The following PXK variants were observed in gnomAD, a reference collection of about 807,000 sequenced individuals.
PXK encodes PX domain containing serine/threonine kinase like.
A neutral mutation model predicts 84.7 loss-of-function variants in PXK; 35 were observed. The ratio of observed to expected loss-of-function variants is 0.41; its 90% CI spans 0.32 to 0.55. The LOEUF is 0.55. Ranked by LOEUF, PXK falls within the 20% of genes least tolerant of loss-of-function variation. The pLI is 0.21. For missense variants in PXK, 634 were observed against 699.7 expected (o/e 0.91, Z 1.06); for synonymous variants, 253 against 260.8 (o/e 0.97, Z 0.29).
At chr3:58,424,238 A>AT (rs1219004503) in intron 17 of PXK, among the ~76,000 whole-genome samples, 2 of 152,234 alleles carry the variant, frequency 1.3e-5, no homozygotes, top group Non-Finnish European at 2.9e-5. Flanking sequence ...GTGGTCTGTC[A>AT]TTTTACATAA....
chr3:58,369,472 C>CT lies in PXK; in HGVS notation c.197dup (p.Leu66PhefsTer18). 1.9e-6 allele frequency: 3 copies of CT among 1,607,824 alleles called. No homozygotes were observed. The highest frequency in any genetic ancestry group is 2.6e-6 in the Non-Finnish European group (3 of 1,174,522). ...GTGACTTTGATTTGCTTAACAACAG[C>CT]TTACAGGTAAATGTTTTGAAATTCT... is the stretch of plus-strand genomic sequence containing the variant. On this transcript the variant is annotated frameshift_variant, in exon 3 of 18. Coordinates refer to ENST00000356151, the MANE Select transcript of PXK (RefSeq NM_017771.5). LOFTEE classifies it high-confidence loss of function.
chr3:58,400,727 G>A lies in PXK; in HGVS notation c.1181+1350G>A, dbSNP rs372804738. The stretch of plus-strand genomic sequence containing the variant: ...GGAGTTCAAGACCATCCTGGCCAAC[G>A]TGTGGTGAAACCCTGTCTCTACTAA... On this transcript the variant is annotated intron_variant, in intron 12 of 17. Transcript: ENST00000356151. The surrounding 1 kb of genome is among the most constrained non-coding windows in gnomAD (Gnocchi z 4.0). 7.4e-4 allele frequency among the ~76,000 whole-genome samples: 113 copies of A among 152,066 alleles called. 1 individual carries two copies. The highest frequency in any genetic ancestry group is 2.4e-3 in the African/African-American group (101 of 41,470).
chr3:58,412,890 T>A lies in PXK; in HGVS notation c.1466-11T>A. ...TGGTCCCCATGAGGGTTTCTCTGTG[T>A]TTTATCTTAGCAGGATCTGGGGCCA... On this transcript the variant is annotated splice_polypyrimidine_tract_variant and intron_variant, in intron 16 of 17. Transcript: ENST00000356151. The surrounding 1 kb of genome is among the most constrained non-coding windows in gnomAD (Gnocchi z 6.2). 1 of 1,614,088 alleles carries A rather than the reference T, an allele frequency of 6.2e-7. No individual in the cohort carries two copies. The highest frequency in any genetic ancestry group is 2.2e-5 in the East Asian group (1 of 44,882).
Position 58,379,402 on chromosome 3 carries a change from T to C in PXK, c.202-3112T>C, listed in dbSNP as rs1213964827. On this transcript the variant is annotated intron_variant, in intron 3 of 17. Transcript: ENST00000356151. This position sits in a 1 kb window ranked among gnomAD's most constrained non-coding sequence, Gnocchi z 5.1. ...ATATGTTTTGTAGGACTCTCTGCTT[T>C]TTCTAAATTTCACTACTCACATCCC... 1 of 153,662 alleles carries C rather than the reference T, an allele frequency of 6.5e-6. No individual in the cohort carries two copies. The highest frequency in any genetic ancestry group is 1.5e-5 in the Non-Finnish European group (1 of 68,054). The allele number at this position is 153,662 out of a possible 1,614,324, so 9.5% of individuals were successfully genotyped here.
intron 4 of PXK, among the ~76,000 whole-genome samples, chr3:58,387,325 C>T (rs1244771748): frequency 6.6e-6 from 1 of 152,214 alleles, no homozygotes; most frequent in Non-Finnish European, 1.5e-5. Flanking sequence ...GAGAGAGTTT[C>T]CACATCTGCT....
In PXK at chr3:58,381,030, C is replaced by T. The variant is rs370976052; in HGVS notation, c.202-1484C>T. Among the ~76,000 whole-genome samples the T allele has an allele frequency of 7.4e-4, 112 of 151,972 alleles. 1 individual carries two copies. Among genetic ancestry groups the T allele is most frequent in the African/African-American group, 2.2e-3 (93 of 41,446 alleles). ...TTGGGAGGCCGAGGTGGGTGGATCA[C>T]GAGGTCAGGAGATCGAGACCATCCT... is the stretch of plus-strand genomic sequence containing the variant. On this transcript the variant is annotated intron_variant, in intron 3 of 17. Coordinates refer to ENST00000356151, the MANE Select transcript of PXK (RefSeq NM_017771.5).
intron 1 of PXK, among the ~76,000 whole-genome samples, chr3:58,338,316 CAA>C (rs538241350): frequency 0.07 from 6,622 of 95,046 alleles, 525 homozygotes; most frequent in African/African-American, 0.22. Context: ...CTCTCCGTCT[CAA>C]AAAAAAAAAA....
chr3:58,369,493 A>T lies in PXK; in HGVS notation c.201+15A>T. On this transcript the variant is annotated intron_variant, in intron 3 of 17. Coordinates refer to ENST00000356151, the MANE Select transcript of PXK (RefSeq NM_017771.5). Reference sequence around the variant, plus strand: ...ACAGCTTACAGGTAAATGTTTTGAAATTCTAATTACACACATTGATTACTT... The same window carrying T: ...ACAGCTTACAGGTAAATGTTTTGAATTTCTAATTACACACATTGATTACTT... 1 of 1,598,414 alleles carries T rather than the reference A, an allele frequency of 6.3e-7. No individual in the cohort carries two copies.
intron 1 of PXK, among the ~76,000 whole-genome samples, chr3:58,356,304 T>G (rs996584149): frequency 1.3e-5 from 2 of 152,060 alleles, no homozygotes; most frequent in East Asian, 3.9e-4. Context: ...ATGGCAGGGT[T>G]TGGTGGCAGG....
At chr3:58,393,977 A>G (rs773911776) in intron 7 of PXK, among the ~76,000 whole-genome samples, 2 of 152,232 alleles carry the variant, frequency 1.3e-5, no homozygotes, top group African/African-American at 4.8e-5. Context: ...ATTAGATTGT[A>G]TGATGGTTGT....
rs2060184667 is a variant in PXK at position 58,411,427 on chromosome 3, C to A, written c.1465+1268C>A. Reference sequence around the variant, plus strand: ...TCCCAATGAGGACCAGCGCAGGCTCCTTGGGGGTGAATGCTGTTGTGGCTG... The same window carrying A: ...TCCCAATGAGGACCAGCGCAGGCTCATTGGGGGTGAATGCTGTTGTGGCTG... On this transcript the variant is annotated intron_variant, in intron 16 of 17. Transcript: ENST00000356151. The surrounding 1 kb of genome is among the most constrained non-coding windows in gnomAD (Gnocchi z 4.2). 6.6e-6 allele frequency among the ~76,000 whole-genome samples: 1 copy of A among 152,152 alleles called. No individual in the cohort carries two copies. Among genetic ancestry groups the A allele is most frequent in the South Asian group, 2.1e-4 (1 of 4,824 alleles).
At chr3:58,363,386 G>A (rs2098220820) in intron 1 of PXK, among the ~76,000 whole-genome samples, 1 of 152,116 alleles carries the variant, frequency 6.6e-6, no homozygotes, top group African/African-American at 2.4e-5. Flanking sequence ...GCTGGAGTGC[G>A]GGTGCCAACA....
chr3:58,386,341 G>A (rs973584115), intron 4 of PXK, among the ~76,000 whole-genome samples: 1 of 127,506 alleles, frequency 7.8e-6, no homozygotes, highest in African/African-American at 2.9e-5. Context: ...TGTTGGCCAG[G>A]CTGGAGTGCT....
chr3:58,346,986 G>C (rs1243899679), intron 1 of PXK, among the ~76,000 whole-genome samples: 3 of 152,072 alleles, frequency 2.0e-5, no homozygotes, highest in Non-Finnish European at 1.5e-5. Context: ...CTACAGGCGC[G>C]TGCCACCATG....
rs893181558 is a variant in PXK, at chr3:58,390,714, T to C, written c.466+55T>C. 1.1e-5 allele frequency: 17 copies of C among 1,501,698 alleles called. No homozygotes were observed. The highest frequency in any genetic ancestry group is 1.7e-4 in the Middle Eastern group (1 of 5,732). The allele number at this position is 1,501,698 out of a possible 1,614,324, so 93.0% of individuals were successfully genotyped here. A position where few individuals can be genotyped will look rare whatever the true frequency, so the allele number is the denominator to read the frequency against. ...AAAGACAGATCACAGAACTGGATCC[T>C]TAGTCATGCTTTCTGATACGTATCC... is the stretch of plus-strand genomic sequence containing the variant. On this transcript the variant is annotated intron_variant, in intron 5 of 17. Transcript: ENST00000356151. The surrounding 1 kb of genome is among the most constrained non-coding windows in gnomAD (Gnocchi z 4.2).
rs888167636 is a variant in PXK, at chr3:58,353,097, C to T, written c.103-12777C>T. ...CTGCAAGCTCCGCCTCCCGGATTCA[C>T]GCCGTTCTCCTGCCTCAGCCTCCCG... On this transcript the variant is annotated intron_variant, in intron 1 of 17. Coordinates refer to ENST00000356151, the MANE Select transcript of PXK (RefSeq NM_017771.5). Among the ~76,000 whole-genome samples, 9 of 152,052 alleles carry T rather than the reference C, an allele frequency of 5.9e-5. No homozygotes were observed. In the South Asian group the frequency reaches 1.0e-3, roughly 18 times the overall value.
intron 1 of PXK, among the ~76,000 whole-genome samples, chr3:58,349,354 T>A (rs2097878964): frequency 7.1e-6 from 1 of 141,068 alleles, no homozygotes. Context: ...TTCTCATAAA[T>A]ATCTTTTTTT....
intron 1 of PXK, among the ~76,000 whole-genome samples, chr3:58,335,363 A>C (rs2097575269): frequency 6.6e-6 from 1 of 152,144 alleles, no homozygotes; most frequent in South Asian, 2.1e-4. Context: ...TTAGCTGTAA[A>C]GTTTGACTGA....
intron 1 of PXK, among the ~76,000 whole-genome samples, chr3:58,345,540 CAT>C (rs1385182898): frequency 2.6e-5 from 4 of 152,178 alleles, no homozygotes; most frequent in East Asian, 1.9e-4. Context: ...TTCTCACTAA[CAT>C]GTGTTTTGTC....
Sources: gnomAD v4.1 joint callset for allele counts (sites outside exome capture counted in the v4.1 genomes callset) on GRCh38, gnomAD v4.1.1 for gene constraint, Gnocchi (gnomAD v3.1) non-coding constraint, MANE v1.5 for transcripts, NCBI Gene and HGNC (gene_info 2026-07-23, HGNC 2026-07-21) for gene names.